Variants in NEDD4L observed in about 807,000 individuals in gnomAD.
NEDD4L encodes E3 ubiquitin-protein ligase NEDD4-like.
A neutral mutation model predicts 148.9 loss-of-function variants in NEDD4L; 54 were observed. The ratio of observed to expected loss-of-function variants is 0.36; its 90% CI spans 0.29 to 0.45. NEDD4L has a LOEUF of 0.45. Among genes scored for constraint, NEDD4L ranks in the 20% least tolerant of loss-of-function variants. The probability of loss-of-function intolerance (pLI) is 1.00; values close to 1 mark genes in which losing one functional copy is unlikely to be tolerated. For synonymous variants in NEDD4L, 433 were observed against 440.7 expected, an observed-to-expected ratio of 0.98 and a Z score of 0.22; for missense variants, 856 against 1,233.8, an observed-to-expected ratio of 0.69 and a Z score of 4.59.
At chr18:58,299,394 A>T (rs749964328) in intron 5 of NEDD4L, among the ~76,000 whole-genome samples, 1 of 152,264 alleles carries the variant, frequency 6.6e-6, no homozygotes. Flanking sequence ...GAGCATATGA[A>T]TAACATTGAT....
chr18:58,365,310 C>A (rs1384132767), intron 20 of NEDD4L, among the ~76,000 whole-genome samples: 1 of 152,122 alleles, frequency 6.6e-6, no homozygotes, highest in East Asian at 1.9e-4. Flanking sequence ...CTGTGGTCAT[C>A]ACCCAGTCTC....
intron 6 of NEDD4L, among the ~76,000 whole-genome samples, chr18:58,321,100 C>T (rs534107375): frequency 6.6e-6 from 1 of 152,256 alleles, no homozygotes; most frequent in Non-Finnish European, 1.5e-5. Context: ...TTCTTGGCAC[C>T]GGTGATCCAA....
At chr18:58,051,481 C>G (rs1348387167) in intron 1 of NEDD4L, among the ~76,000 whole-genome samples, 2 of 152,198 alleles carry the variant, frequency 1.3e-5, no homozygotes, top group Non-Finnish European at 2.9e-5. Context: ...AAGGAAGCAA[C>G]TATGCCCATT....
At chr18:58,116,782 T>C (rs1300506765) in intron 1 of NEDD4L, among the ~76,000 whole-genome samples, 1 of 152,254 alleles carries the variant, frequency 6.6e-6, no homozygotes, top group Non-Finnish European at 1.5e-5. Context: ...CCCACCCTGG[T>C]GAGTGCCAGC....
intron 1 of NEDD4L, among the ~76,000 whole-genome samples, chr18:58,162,871 T>C (rs521877): frequency 0.75 from 114,525 of 151,800 alleles, 43,692 homozygotes; most frequent in African/African-American, 0.87. Context: ...CAAGACCAGC[T>C]TGGGCAACAT....
chr18:58,085,530 A>G (rs2083716621), intron 1 of NEDD4L, among the ~76,000 whole-genome samples: 1 of 152,188 alleles, frequency 6.6e-6, no homozygotes, highest in Non-Finnish European at 1.5e-5. Context: ...AAGTAAAAGG[A>G]TTGGAGGCCT....
chr18:58,221,614 G>A, intron 2 of NEDD4L: 7 of 985,454 alleles, frequency 7.1e-6, no homozygotes, highest in Non-Finnish European at 8.4e-6. Context: ...ATCAGCAGAG[G>A]TGTGTACGGG....
At chr18:58,078,015 AT>A (rs56093190) in intron 1 of NEDD4L, among the ~76,000 whole-genome samples, 6,466 of 142,948 alleles carry the variant, frequency 0.045, 323 homozygotes, top group African/African-American at 0.13. Flanking sequence ...TGAGAAACGT[AT>A]TTTTTTTTTT....
In NEDD4L at chr18:58,207,343, A is replaced by T. The variant is rs575698401; in HGVS notation, c.123-38084A>T. On this transcript the variant is annotated intron_variant, in intron 2 of 30. Coordinates refer to ENST00000400345, the MANE Select transcript of NEDD4L (RefSeq NM_001144967.3). ...TTTTTTTTTTTTTCTGGGAAATTGG[A>T]AACAGCGCTTGTTTATAGCCAATGC... Among the ~76,000 whole-genome samples, 23 of 151,338 alleles carry T rather than the reference A, an allele frequency of 1.5e-4. No homozygotes were observed. The South Asian group carries it at 2.5e-3, about 17-fold the overall frequency.
At chr18:58,200,131 C>T (rs1599634457) in intron 2 of NEDD4L, among the ~76,000 whole-genome samples, 3 of 152,302 alleles carry the variant, frequency 2.0e-5, no homozygotes, top group South Asian at 2.1e-4. Flanking sequence ...TTTGTTATCT[C>T]GGCTCTCTGC....
At chr18:58,167,425 A>G (rs539682908) in intron 2 of NEDD4L, among the ~76,000 whole-genome samples, 2 of 152,118 alleles carry the variant, frequency 1.3e-5, no homozygotes, top group East Asian at 3.8e-4. Context: ...GAAACTCACA[A>G]ATTTGCTCTC....
chr18:58,060,444 C>T (rs766015376), intron 1 of NEDD4L, among the ~76,000 whole-genome samples: 1 of 152,056 alleles, frequency 6.6e-6, no homozygotes, highest in Non-Finnish European at 1.5e-5. Flanking sequence ...CACCATGCAG[C>T]TTTGGGGAGA....
chr18:58,373,928 T>C (rs1601835435), intron 24 of NEDD4L, among the ~76,000 whole-genome samples: 1 of 152,238 alleles, frequency 6.6e-6, no homozygotes, highest in Admixed American at 6.5e-5. Context: ...CTTTGCTTCA[T>C]CTGCCACTCA....
intron 1 of NEDD4L, among the ~76,000 whole-genome samples, chr18:58,109,029 A>G (rs1191457091): frequency 1.3e-5 from 2 of 152,242 alleles, no homozygotes; most frequent in African/African-American, 4.8e-5. Context: ...AAGTGGAGGC[A>G]AATTAAGGGA....
chr18:58,282,496 A>T (rs1022889215), intron 5 of NEDD4L, among the ~76,000 whole-genome samples: 3 of 152,250 alleles, frequency 2.0e-5, no homozygotes, highest in African/African-American at 7.2e-5. Flanking sequence ...TACTTTTTGG[A>T]TCAATCCAGT....
At chr18:58,233,186 G>A (rs933480483) in intron 2 of NEDD4L, among the ~76,000 whole-genome samples, 9 of 152,050 alleles carry the variant, frequency 5.9e-5, no homozygotes, top group Non-Finnish European at 1.3e-4. Flanking sequence ...TCCCCTACTG[G>A]GGATGCTATG....
chr18:58,333,863 G>T lies in NEDD4L; in HGVS notation c.1036G>T (p.Ala346Ser). The change falls in exon 12 of 31, where the codon GCA (alanine) becomes TCA (serine). Residue 346 changes from alanine to serine, a missense_variant. Transcript: ENST00000400345. ...SRLRSCSVTDAVAEQGHLPPP... is the reference protein window; with the variant it reads ...SRLRSCSVTDSVAEQGHLPPP... The stretch of plus-strand genomic sequence containing the variant: ...GTTGAGGTCATGCAGTGTCACCGAC[G>T]CAGTTGCAGAACAGGGCCATCTACC... The T allele has an allele frequency of 6.2e-7, 1 of 1,613,690 alleles. No homozygotes were observed. The highest frequency in any genetic ancestry group is 8.5e-7 in the Non-Finnish European group (1 of 1,179,728).
intron 5 of NEDD4L, among the ~76,000 whole-genome samples, chr18:58,303,856 T>TA (rs1322349354): frequency 2.0e-5 from 3 of 152,226 alleles, no homozygotes; most frequent in Non-Finnish European, 2.9e-5. Context: ...TACAGAAACT[T>TA]ACATTACTTT....
At chr18:58,218,162 T>C (rs1259952342) in intron 2 of NEDD4L, among the ~76,000 whole-genome samples, 2 of 152,012 alleles carry the variant, frequency 1.3e-5, no homozygotes, top group Admixed American at 1.3e-4. Flanking sequence ...TTGCCTACAG[T>C]TGAATTAACT....
Sources: gnomAD v4.1 joint callset for allele counts (sites outside exome capture counted in the v4.1 genomes callset) on GRCh38, gnomAD v4.1.1 for gene constraint, MANE v1.5 for transcripts, NCBI Gene and HGNC (gene_info 2026-07-23, HGNC 2026-07-21) for gene names.